Variants in URI1 observed in about 807,000 individuals in gnomAD.
URI1 encodes URI1 prefoldin like chaperone.
URI1 carries 39 observed loss-of-function variants against 60.2 expected under a neutral mutation model. The observed-to-expected ratio is 0.65, with a 90% CI of 0.50 to 0.85. The LOEUF (loss-of-function observed/expected upper bound fraction) is 0.85. Ranked by LOEUF, URI1 falls within the 40% of genes least tolerant of loss-of-function variation. The pLI is 0.00. For missense variants in URI1, 691 were observed against 665.9 expected, an observed-to-expected ratio of 1.04 and a Z score of -0.42; for synonymous variants, 251 against 236.8, an observed-to-expected ratio of 1.06 and a Z score of -0.55.
At chr19:29,942,147 G>A (rs2055032761), upstream of URI1, 1 of 933,968 alleles carries the variant, frequency 1.1e-6, no homozygotes, top group Non-Finnish European at 1.3e-6. Context: ...TTCGCATCAA[G>A]CGCACTCCCC....
intron 4 of URI1, among the ~76,000 whole-genome samples, chr19:29,993,565 T>C (rs10423628): frequency 0.011 from 1,672 of 152,218 alleles, 40 homozygotes; most frequent in African/African-American, 0.038. Context: ...CAGAAGAAAG[T>C]GGGTGATAAG....
chr19:30,011,972 C>T (rs947345966), intron 9 of URI1, among the ~76,000 whole-genome samples: 4 of 151,948 alleles, frequency 2.6e-5, no homozygotes, highest in East Asian at 3.9e-4. Flanking sequence ...GGGTGCAGCA[C>T]ACCAACATGG....
chr19:29,949,372 C>T (rs335045), intron 1 of URI1, among the ~76,000 whole-genome samples: 151 of 151,970 alleles, frequency 9.9e-4, no homozygotes, highest in African/African-American at 3.3e-3. Flanking sequence ...CAGAGACGCT[C>T]CTCACTTCCT....
intron 1 of URI1, among the ~76,000 whole-genome samples, chr19:29,962,598 CT>C (rs901194908): frequency 0.01 from 1,413 of 139,450 alleles, 17 homozygotes; most frequent in African/African-American, 0.029. Flanking sequence ...CTTTACCCAT[CT>C]TTTTTTTTTT....
chr19:29,982,963 A>G (rs1453078432), intron 2 of URI1, among the ~76,000 whole-genome samples: 1 of 152,160 alleles, frequency 6.6e-6, no homozygotes, highest in Non-Finnish European at 1.5e-5. Context: ...ATTTGTGTAA[A>G]TTGCATGTAG....
intron 4 of URI1, 38 bp downstream of exon 4, chr19:29,986,455 A>G (rs914448155): frequency 5.0e-6 from 8 of 1,587,866 alleles, no homozygotes; most frequent in Non-Finnish European, 6.0e-6. Context: ...TTTGTTGTAT[A>G]TGTATCCATT....
chr19:29,976,981 A>G (rs769944625), intron 2 of URI1, among the ~76,000 whole-genome samples: 18 of 152,108 alleles, frequency 1.2e-4, no homozygotes, highest in Non-Finnish European at 1.8e-4. Context: ...ACATTTTTTT[A>G]TTTTTCAAAG....
At chr19:29,945,262 G>A (rs2055088905) in intron 1 of URI1, among the ~76,000 whole-genome samples, 1 of 152,204 alleles carries the variant, frequency 6.6e-6, no homozygotes, top group Non-Finnish European at 1.5e-5. Flanking sequence ...AATCTTCTCT[G>A]GGAGCCTTGA....
rs149365645 is a variant in URI1, at chr19:29,932,402, C to T, written c.63+8648C>T. On this transcript the variant is annotated intron_variant, in intron 1 of 10. Coordinates refer to the URI1 transcript ENST00000360605. ...TGTGATCTCAGCTTACTGCAACCTC[C>T]GCCTCCCGGGCTCAAGTGACTCTCC... is the stretch of plus-strand genomic sequence containing the variant. Among the ~76,000 whole-genome samples the T allele has an allele frequency of 3.8e-3, 582 of 151,616 alleles. 6 individuals are homozygous for T. Among genetic ancestry groups the T allele is most frequent in the African/African-American group, 0.013 (557 of 41,298 alleles).
intron 2 of URI1, among the ~76,000 whole-genome samples, chr19:29,983,729 ATAGGCTGCT>A (rs1481866178): frequency 3.9e-5 from 6 of 152,206 alleles, no homozygotes; most frequent in African/African-American, 1.4e-4. Flanking sequence ...GCATCTTGGC[ATAGGCTGCT>A]GCCTGGTATT....
intron 2 of URI1, among the ~76,000 whole-genome samples, chr19:29,979,427 G>A (rs2055565354): frequency 6.6e-6 from 1 of 152,126 alleles, no homozygotes. Context: ...CAAAAGATTA[G>A]TAATGAGTGA....
At chr19:29,975,166 A>G (rs970447195) in intron 2 of URI1, among the ~76,000 whole-genome samples, 5 of 152,168 alleles carry the variant, frequency 3.3e-5, no homozygotes, top group African/African-American at 4.8e-5. Flanking sequence ...ACTGCTGTCC[A>G]CAGTGGCTGG....
chr19:29,949,048 G>C (rs1185167979), intron 1 of URI1, among the ~76,000 whole-genome samples: 1 of 144,266 alleles, frequency 6.9e-6, no homozygotes, highest in African/African-American at 2.5e-5. Context: ...CTGGCCGGGC[G>C]GGGGCTGCCC....
chr19:29,959,215 C>G (rs545825280), intron 1 of URI1, among the ~76,000 whole-genome samples: 43 of 152,204 alleles, frequency 2.8e-4, no homozygotes, highest in African/African-American at 1.0e-3. Context: ...TCCTGGAACT[C>G]CCAGGCTCAG....
upstream of URI1, chr19:29,937,586 A>T (rs1448978880): frequency 6.6e-6 from 1 of 152,224 alleles, no homozygotes; most frequent in Non-Finnish European, 1.5e-5. Context: ...ATGTTTGCAA[A>T]GTGTGTAGTC....
chr19:29,964,947 G>A (rs1347976005), intron 1 of URI1, among the ~76,000 whole-genome samples: 1 of 149,774 alleles, frequency 6.7e-6, no homozygotes, highest in Non-Finnish European at 1.5e-5. Context: ...CTCCTAACCT[G>A]TGTGGCAAGT....
chr19:30,002,228 GTTCCT>G (rs1156713341), intron 4 of URI1, among the ~76,000 whole-genome samples: 2 of 152,068 alleles, frequency 1.3e-5, no homozygotes, highest in African/African-American at 4.8e-5. Flanking sequence ...CTGCATTTCT[GTTCCT>G]TTCAAATATA....
chr19:29,973,849 G>A (rs2055488982), intron 2 of URI1, among the ~76,000 whole-genome samples: 1 of 151,996 alleles, frequency 6.6e-6, no homozygotes, highest in African/African-American at 2.4e-5. Flanking sequence ...TAATAATAAT[G>A]GTTTTCAGTT....
chr19:29,991,498 G>A (rs1186596688), intron 4 of URI1, among the ~76,000 whole-genome samples: 5 of 151,966 alleles, frequency 3.3e-5, no homozygotes, highest in Non-Finnish European at 7.4e-5. Flanking sequence ...ACTTTTTTGG[G>A]GTAGATTCCA....
Sources: allele counts gnomAD v4.1 joint callset (sites outside exome capture counted in the v4.1 genomes callset), GRCh38; gene constraint gnomAD v4.1.1; transcripts MANE v1.5; gene names NCBI Gene and HGNC (gene_info 2026-07-23, HGNC 2026-07-21).